Variants in NXPH2 observed in about 807,000 individuals in gnomAD.
The protein encoded by NXPH2 is neurexophilin-2.
NXPH2 carries 5 observed loss-of-function variants against 19.8 expected under a neutral mutation model. The ratio of observed to expected loss-of-function variants is 0.25; its 90% CI spans 0.13 to 0.53. The LOEUF (loss-of-function observed/expected upper bound fraction) is 0.53, where lower values mean the gene tolerates loss of function less well. NXPH2 is among the 20% of genes least tolerant of loss of function. The pLI is 0.96. For missense variants in NXPH2, 289 were observed against 322.8 expected, an observed-to-expected ratio of 0.90 and a Z score of 0.80; for synonymous variants, 154 against 127.4, an observed-to-expected ratio of 1.21 and a Z score of -1.41.
chr2:138,713,346 G>A (rs950272351), intron 1 of NXPH2, among the ~76,000 whole-genome samples: 13 of 152,146 alleles, frequency 8.5e-5, no homozygotes, highest in African/African-American at 2.2e-4. Context: ...ACCTTTGTAC[G>A]TTGGGAGTGA....
At chr2:138,741,177 G>A (rs995201015) in intron 1 of NXPH2, among the ~76,000 whole-genome samples, 4 of 152,146 alleles carry the variant, frequency 2.6e-5, no homozygotes, top group East Asian at 1.9e-4. Flanking sequence ...GATTCTCTAC[G>A]AATGCTGTTG....
chr2:138,683,570 T>G (rs1462100669), intron 1 of NXPH2, among the ~76,000 whole-genome samples: 1 of 152,220 alleles, frequency 6.6e-6, no homozygotes, highest in East Asian at 1.9e-4. Context: ...CAAATCCATT[T>G]AATATTTCGG....
At chr2:138,701,027 T>C (rs1329815733) in intron 1 of NXPH2, among the ~76,000 whole-genome samples, 1 of 152,020 alleles carries the variant, frequency 6.6e-6, no homozygotes, top group African/African-American at 2.4e-5. Context: ...ATCTGGTAAA[T>C]AGACTCAATT....
chr2:138,710,479 C>A (rs532974910), intron 1 of NXPH2, among the ~76,000 whole-genome samples: 21 of 152,138 alleles, frequency 1.4e-4, no homozygotes, highest in African/African-American at 5.1e-4. Flanking sequence ...CTTAGAGAAA[C>A]CGCCAAACTT....
At chr2:138,710,255 C>T (rs770169465) in intron 1 of NXPH2, among the ~76,000 whole-genome samples, 21 of 152,232 alleles carry the variant, frequency 1.4e-4, no homozygotes, top group Admixed American at 3.9e-4. Context: ...TTCCTTTTTA[C>T]GGCTAAATAA....
chr2:138,694,655 C>T (rs763640551), intron 1 of NXPH2, among the ~76,000 whole-genome samples: 1 of 152,082 alleles, frequency 6.6e-6, no homozygotes. Flanking sequence ...TGTTTTAAGC[C>T]ACCTGGAATG....
chr2:138,768,360 T>C (rs1233658108), intron 1 of NXPH2, among the ~76,000 whole-genome samples: 1 of 152,206 alleles, frequency 6.6e-6, no homozygotes, highest in Non-Finnish European at 1.5e-5. Context: ...ATAGAGCTCC[T>C]TCTTTAGTGA....
chr2:138,693,447 G>A (rs1680773433), intron 1 of NXPH2, among the ~76,000 whole-genome samples: 1 of 152,160 alleles, frequency 6.6e-6, no homozygotes, highest in Non-Finnish European at 1.5e-5. Context: ...CAGATGATGA[G>A]AATGAAGAAC....
intron 1 of NXPH2, among the ~76,000 whole-genome samples, chr2:138,674,797 C>T (rs13017228): frequency 0.32 from 49,343 of 152,076 alleles, 8,190 homozygotes; most frequent in African/African-American, 0.36. Context: ...TCCAATTTCT[C>T]TTCTGTGATC....
intron 1 of NXPH2, among the ~76,000 whole-genome samples, chr2:138,745,214 G>C (rs891778467): frequency 6.6e-6 from 1 of 152,172 alleles, no homozygotes; most frequent in Non-Finnish European, 1.5e-5. Context: ...CAAAGGAGAA[G>C]TAGAGTGAGG....
Position 138,694,934 on chromosome 2 carries a change from C to G in NXPH2, c.52-23269G>C, listed in dbSNP as rs76021024. ...TACTACATACACCTAGATGTATAGC[C>G]TACTACACACCTAGGCTATATGGTA... On this transcript the variant is annotated intron_variant, in intron 1 of 1. Transcript: ENST00000272641. 7.8e-3 allele frequency among the ~76,000 whole-genome samples: 1,189 copies of G among 152,216 alleles called. 19 individuals carry two copies. Among genetic ancestry groups the G allele is most frequent in the African/African-American group, 0.026 (1,091 of 41,534 alleles).
chr2:138,695,662 G>C (rs1680818899), intron 1 of NXPH2, among the ~76,000 whole-genome samples: 2 of 151,932 alleles, frequency 1.3e-5, no homozygotes, highest in Non-Finnish European at 2.9e-5. Context: ...AAAATAAACT[G>C]ATAAACTATT....
At chr2:138,706,279 G>T (rs1681007358) in intron 1 of NXPH2, among the ~76,000 whole-genome samples, 1 of 152,206 alleles carries the variant, frequency 6.6e-6, no homozygotes, top group South Asian at 2.1e-4. Context: ...GATGCTTAAG[G>T]AATTAAGTTG....
intron 1 of NXPH2, among the ~76,000 whole-genome samples, chr2:138,683,386 T>C (rs2104970792): frequency 6.6e-6 from 1 of 152,288 alleles, no homozygotes; most frequent in Middle Eastern, 3.4e-3. Context: ...AAAGGAAAGT[T>C]GCAATGGAGG....
At chr2:138,770,444 G>A (rs1427815588) in intron 1 of NXPH2, among the ~76,000 whole-genome samples, 2 of 152,046 alleles carry the variant, frequency 1.3e-5, no homozygotes, top group Admixed American at 1.3e-4. Flanking sequence ...CTTAATTTCA[G>A]AATTATTCAA....
At chr2:138,689,473 G>T (rs1680712679) in intron 1 of NXPH2, among the ~76,000 whole-genome samples, 1 of 152,128 alleles carries the variant, frequency 6.6e-6, no homozygotes, top group Non-Finnish European at 1.5e-5. Context: ...GCGTACACGG[G>T]ACAATTAGCA....
At chr2:138,764,655 A>G (rs1456864471) in intron 1 of NXPH2, among the ~76,000 whole-genome samples, 3 of 152,204 alleles carry the variant, frequency 2.0e-5, no homozygotes, top group African/African-American at 7.2e-5. Flanking sequence ...CTATCTATCT[A>G]TCTATCTATG....
intron 1 of NXPH2, among the ~76,000 whole-genome samples, chr2:138,735,444 T>A (rs1025642591): frequency 1.3e-5 from 2 of 152,038 alleles, no homozygotes; most frequent in Non-Finnish European, 2.9e-5. Context: ...AAAGAGGTTT[T>A]CCCTCATAAA....
At chr2:138,705,852 C>T (rs979726228) in intron 1 of NXPH2, among the ~76,000 whole-genome samples, 1 of 152,106 alleles carries the variant, frequency 6.6e-6, no homozygotes, top group Admixed American at 6.6e-5. Context: ...CTGAGTAAGC[C>T]CCTCTTCGGA....
Sources: gnomAD v4.1 joint callset for allele counts (sites outside exome capture counted in the v4.1 genomes callset) on GRCh38, gnomAD v4.1.1 for gene constraint, MANE v1.5 for transcripts, NCBI Gene and HGNC (gene_info 2026-07-23, HGNC 2026-07-21) for gene names.